SGCZ: variants seen among roughly 807,000 people sequenced by gnomAD.
SGCZ encodes sarcoglycan zeta.
A neutral mutation model predicts 41.3 loss-of-function variants in SGCZ; 40 were observed. The ratio of observed to expected loss-of-function variants is 0.97; its 90% CI spans 0.75 to 1.26. SGCZ has a LOEUF of 1.26. Among genes scored for constraint, SGCZ ranks in the 50% most tolerant of loss-of-function variants. The pLI is 0.00. For missense variants in SGCZ, 552 were observed against 369.8 expected, an observed-to-expected ratio of 1.49 and a Z score of -4.04; for synonymous variants, 206 against 137.5, an observed-to-expected ratio of 1.50 and a Z score of -3.49.
intron 1 of SGCZ, among the ~76,000 whole-genome samples, chr8:15,203,071 T>C (rs1800945738): frequency 6.6e-6 from 1 of 151,900 alleles, no homozygotes; most frequent in Admixed American, 6.6e-5. Flanking sequence ...GACCATGTCA[T>C]GGCACTCAAC....
chr8:14,738,204 C>G (rs983031911), intron 1 of SGCZ, among the ~76,000 whole-genome samples: 3 of 151,884 alleles, frequency 2.0e-5, no homozygotes, highest in African/African-American at 7.3e-5. Context: ...ACATTATTTC[C>G]CATCATTTAT....
intron 1 of SGCZ, chr8:14,853,453 C>T (rs768841215): frequency 7.5e-6 from 4 of 532,530 alleles, no homozygotes; most frequent in South Asian, 5.6e-5. Context: ...TCTGACCAGG[C>T]AGTGCTGTGG....
intron 5 of SGCZ, among the ~76,000 whole-genome samples, chr8:14,146,890 A>ATAATAAT (rs1554467203): frequency 1.7e-5 from 2 of 116,186 alleles, no homozygotes; most frequent in African/African-American, 7.2e-5. Flanking sequence ...AAAATAAAAA[A>ATAATAAT]AATAATAATA....
At chr8:14,099,422 T>G (rs564410358) in intron 7 of SGCZ, among the ~76,000 whole-genome samples, 1 of 152,152 alleles carries the variant, frequency 6.6e-6, no homozygotes, top group Non-Finnish European at 1.5e-5. Flanking sequence ...GGCCCGGGAC[T>G]CACAAAACAA....
chr8:14,310,271 A>G (rs1333379834), intron 3 of SGCZ, among the ~76,000 whole-genome samples: 2 of 152,060 alleles, frequency 1.3e-5, no homozygotes, highest in African/African-American at 4.8e-5. Context: ...TCCTCATGTA[A>G]CATTGGTGAA....
intron 2 of SGCZ, among the ~76,000 whole-genome samples, chr8:14,450,426 A>G (rs1329336265): frequency 2.0e-5 from 3 of 152,220 alleles, no homozygotes; most frequent in Admixed American, 1.3e-4. Flanking sequence ...AAGGGTCAGG[A>G]GGGTAATGAG....
chr8:15,168,665 C>A (rs1208246525), intron 1 of SGCZ, among the ~76,000 whole-genome samples: 1 of 152,148 alleles, frequency 6.6e-6, no homozygotes, highest in Non-Finnish European at 1.5e-5. Context: ...AGATGGGTAG[C>A]CATTCATCTT....
intron 2 of SGCZ, among the ~76,000 whole-genome samples, chr8:14,377,023 AC>A (rs1804157196): frequency 6.6e-6 from 1 of 152,060 alleles, no homozygotes; most frequent in African/African-American, 2.4e-5. Flanking sequence ...TACACAATAA[AC>A]CCCTTTCCGC....
chr8:14,471,324 G>A lies in SGCZ; in HGVS notation c.234+83408C>T, dbSNP rs115522973. 4.8e-3 allele frequency among the ~76,000 whole-genome samples: 734 copies of A among 152,118 alleles called. 8 individuals are homozygous for A. Among genetic ancestry groups the A allele is most frequent in the African/African-American group, 0.016 (670 of 41,524 alleles). The stretch of plus-strand genomic sequence containing the variant: ...AGTGCTGAAAAATACATTAATTAGC[G>A]TATGCTTATAAATCATACTTATAGA... On this transcript the variant is annotated intron_variant, in intron 2 of 7. Coordinates refer to ENST00000382080, the MANE Select transcript of SGCZ (RefSeq NM_139167.4).
intron 1 of SGCZ, among the ~76,000 whole-genome samples, chr8:14,756,308 C>G (rs1009634350): frequency 6.6e-6 from 1 of 151,650 alleles, no homozygotes; most frequent in African/African-American, 2.4e-5. Context: ...GCCTCAGCCT[C>G]CTGAGTAGCT....
At chr8:14,093,674 C>A (rs553756491) in intron 7 of SGCZ, among the ~76,000 whole-genome samples, 36 of 152,108 alleles carry the variant, frequency 2.4e-4, no homozygotes, top group Admixed American at 1.2e-3. Context: ...AACCATAAGA[C>A]TACTGCACAC....
intron 1 of SGCZ, among the ~76,000 whole-genome samples, chr8:15,233,588 G>C (rs573967549): frequency 6.6e-6 from 1 of 151,808 alleles, no homozygotes; most frequent in Non-Finnish European, 1.5e-5. Flanking sequence ...TCAAGTTCTT[G>C]GTAGATGAAA....
chr8:14,590,004 C>T (rs1407643058), intron 1 of SGCZ, among the ~76,000 whole-genome samples: 2 of 152,106 alleles, frequency 1.3e-5, no homozygotes, highest in South Asian at 4.1e-4. Context: ...CGGAGTGATT[C>T]AACTGACCTG....
chr8:14,430,958 T>A (rs1585501919), intron 2 of SGCZ, among the ~76,000 whole-genome samples: 2 of 151,926 alleles, frequency 1.3e-5, no homozygotes, highest in South Asian at 4.2e-4. Flanking sequence ...CTGCAAAAAA[T>A]TAAAATACTT....
chr8:14,283,720 G>A (rs1002963129), intron 3 of SGCZ, among the ~76,000 whole-genome samples: 3 of 152,198 alleles, frequency 2.0e-5, no homozygotes, highest in African/African-American at 7.2e-5. Context: ...CAGAAGGCCA[G>A]ATAATAAATA....
chr8:15,031,844 C>G (rs1023600618), intron 1 of SGCZ, among the ~76,000 whole-genome samples: 12 of 151,230 alleles, frequency 7.9e-5, no homozygotes, highest in Non-Finnish European at 1.6e-4. Context: ...TGCAGTCGGC[C>G]AGCGCTATTT....
chr8:14,364,151 A>C (rs1315188017), intron 2 of SGCZ, among the ~76,000 whole-genome samples: 1 of 152,184 alleles, frequency 6.6e-6, no homozygotes, highest in Non-Finnish European at 1.5e-5. Context: ...TTTCTATGAA[A>C]ATCCTATTTT....
At position 14,217,725 on chromosome 8, in the gene SGCZ, G is replaced by A. The variant is rs540775469; in HGVS notation, c.424+19867C>T. Among the ~76,000 whole-genome samples, 7 of 144,234 alleles carry A rather than the reference G, an allele frequency of 4.9e-5. No homozygotes were observed. In the South Asian group the frequency reaches 1.1e-3, roughly 22 times the overall value. 94.6% of individuals were successfully genotyped at this position (144,234 alleles called of 152,430 possible). A position where few individuals can be genotyped will look rare whatever the true frequency, so the allele number is the denominator to read the frequency against. The stretch of plus-strand genomic sequence containing the variant: ...GCTCACTGCAACGTCTCACTCCTGC[G>A]TTCAAGCAATTCTCCTGCCTCAGCC... On this transcript the variant is annotated intron_variant, in intron 4 of 7. Coordinates refer to ENST00000382080, the MANE Select transcript of SGCZ (RefSeq NM_139167.4).
At chr8:14,473,015 T>C (rs11996163) in intron 2 of SGCZ, among the ~76,000 whole-genome samples, 13,849 of 152,120 alleles carry the variant, frequency 0.091, 1,282 homozygotes, top group African/African-American at 0.24. Flanking sequence ...CTTTGTAAAA[T>C]ATAAATAGTA....
Sources: gnomAD v4.1 joint callset for allele counts (sites outside exome capture counted in the v4.1 genomes callset) on GRCh38, gnomAD v4.1.1 for gene constraint, MANE v1.5 for transcripts, NCBI Gene and HGNC (gene_info 2026-07-23, HGNC 2026-07-21) for gene names.